Variants in DAPK2 observed in about 807,000 individuals in gnomAD.
The protein encoded by DAPK2 is death-associated protein kinase 2.
DAPK2 carries 35 observed loss-of-function variants against 44.1 expected under a neutral mutation model. The observed-to-expected ratio is 0.79, with a 90% CI of 0.61 to 1.05. DAPK2 has a LOEUF of 1.05. Among genes scored for constraint, DAPK2 ranks in the 50% least tolerant of loss-of-function variants. The probability of loss-of-function intolerance (pLI) is 0.00; values close to 1 mark genes in which losing one functional copy is unlikely to be tolerated. For synonymous variants in DAPK2, 174 were observed against 182.6 expected, an observed-to-expected ratio of 0.95 and a Z score of 0.38; for missense variants, 453 against 483.2, an observed-to-expected ratio of 0.94 and a Z score of 0.59.
intron 6 of DAPK2, 42 bp from the exon 8 acceptor site, chr15:63,926,135 A>G (rs1275960231): frequency 6.4e-7 from 1 of 1,566,696 alleles, no homozygotes; most frequent in Non-Finnish European, 8.7e-7. Flanking sequence ...AAGGGAAAGT[A>G]GGTGGAAATG....
chr15:63,914,694 C>CCATT (rs1281857085), intron 8 of DAPK2, among the ~76,000 whole-genome samples: 1 of 152,196 alleles, frequency 6.6e-6, no homozygotes, highest in Non-Finnish European at 1.5e-5. Context: ...TGCTTCCTGT[C>CCATT]CATTTGGCTC....
chr15:64,022,934 A>G (rs1465751677), intron 1 of DAPK2, among the ~76,000 whole-genome samples: 1 of 152,200 alleles, frequency 6.6e-6, no homozygotes, highest in Non-Finnish European at 1.5e-5. Flanking sequence ...AGATAGCATG[A>G]TGAGAAATGA....
intron 1 of DAPK2, among the ~76,000 whole-genome samples, chr15:64,017,633 G>A (rs1052876111): frequency 6.6e-6 from 1 of 152,198 alleles, no homozygotes; most frequent in African/African-American, 2.4e-5. Flanking sequence ...TGTGTCTCCA[G>A]GCCACTTAAC....
intron 1 of DAPK2, among the ~76,000 whole-genome samples, chr15:63,994,491 A>G (rs949613319): frequency 6.9e-6 from 1 of 145,428 alleles, no homozygotes; most frequent in Non-Finnish European, 1.5e-5. Flanking sequence ...GAAGCTAAAA[A>G]ATGTTCCTTA....
intron 8 of DAPK2, 40 bp downstream of exon 9, chr15:63,924,776 G>A: frequency 1.2e-6 from 2 of 1,612,538 alleles, no homozygotes; most frequent in Non-Finnish European, 8.5e-7. Context: ...CGACAGAGCA[G>A]GGACCCTTTG....
chr15:64,026,633 A>G (rs1236745713), intron 1 of DAPK2, among the ~76,000 whole-genome samples: 1 of 152,176 alleles, frequency 6.6e-6, no homozygotes, highest in Non-Finnish European at 1.5e-5. Flanking sequence ...AGCACTCCCC[A>G]TCCCAAGTAC....
chr15:64,019,184 G>A (rs1176384584), intron 1 of DAPK2, among the ~76,000 whole-genome samples: 3 of 152,196 alleles, frequency 2.0e-5, no homozygotes. Context: ...TTACCAGAGT[G>A]CCCTGTCTCA....
intron 4 of DAPK2, among the ~76,000 whole-genome samples, chr15:63,933,930 A>G (rs911037699): frequency 1.3e-5 from 2 of 152,096 alleles, no homozygotes; most frequent in Non-Finnish European, 2.9e-5. Flanking sequence ...ATAGATTGAG[A>G]AGCAGAACTC....
intron 3 of DAPK2, among the ~76,000 whole-genome samples, chr15:63,942,938 T>TG (rs931728548): frequency 1.3e-5 from 2 of 152,096 alleles, no homozygotes; most frequent in African/African-American, 2.4e-5. Flanking sequence ...CCCCAGAGGT[T>TG]GGGATAGAGC....
rs188799524 is a variant in DAPK2, at chr15:63,982,299, T to C, written c.314+1234A>G. ...TCCGCCTCCCGGGTTCAAGCAATTCTACTGCTTCAGCCTCCCGAGTAGCTG... is the reference window on the plus strand; with the variant it reads ...TCCGCCTCCCGGGTTCAAGCAATTCCACTGCTTCAGCCTCCCGAGTAGCTG... On this transcript the variant is annotated intron_variant, in intron 2 of 10. Coordinates refer to ENST00000261891, the Ensembl canonical transcript of DAPK2. 2.0e-5 allele frequency among the ~76,000 whole-genome samples: 3 copies of C among 150,608 alleles called. No individual in the cohort carries two copies. The East Asian group carries it at 6.0e-4, about 30-fold the overall frequency.
chr15:63,985,408 G>T (rs1171859461), intron 1 of DAPK2, among the ~76,000 whole-genome samples: 1 of 152,232 alleles, frequency 6.6e-6, no homozygotes, highest in Non-Finnish European at 1.5e-5. Flanking sequence ...CTCGAGGACA[G>T]CGGGTGCCTT....
chr15:63,994,327 GCAGGAAC>G lies in DAPK2; in HGVS notation c.93-10580_93-10574del, dbSNP rs1211991047. 5.9e-5 allele frequency among the ~76,000 whole-genome samples: 9 copies of G among 152,220 alleles called. No individual in the cohort carries two copies. In the East Asian group the frequency reaches 1.7e-3, roughly 29 times the overall value. On this transcript the variant is annotated intron_variant, in intron 1 of 10. Transcript: ENST00000261891. ...TCATCCTTGGCTGGCCCCCAGTGCA[GCAGGAAC>G]CCTTCATTGGCAGACTCACTTACAA...
At chr15:63,931,590 G>A (rs1231599586) in intron 4 of DAPK2, among the ~76,000 whole-genome samples, 1 of 152,116 alleles carries the variant, frequency 6.6e-6, no homozygotes, top group Non-Finnish European at 1.5e-5. Flanking sequence ...CATTCCTGGG[G>A]GTCCCTGAGA....
At chr15:64,007,734 G>C (rs2079273936) in intron 1 of DAPK2, among the ~76,000 whole-genome samples, 1 of 152,180 alleles carries the variant, frequency 6.6e-6, no homozygotes, top group Non-Finnish European at 1.5e-5. Flanking sequence ...TTTGCTGTGT[G>C]CCATTTAGCA....
Position 63,939,206 on chromosome 15 carries a change from GAA to G in DAPK2, c.583+24_583+25del. 1 of 1,611,512 alleles carries G rather than the reference GAA, an allele frequency of 6.2e-7. No homozygotes were observed. The highest frequency in any genetic ancestry group is 8.5e-7 in the Non-Finnish European group (1 of 1,178,554). On this transcript the variant is annotated intron_variant, in intron 4 of 10. Coordinates refer to ENST00000261891, the Ensembl canonical transcript of DAPK2. The surrounding 1 kb of genome is among the most constrained non-coding windows in gnomAD (Gnocchi z 4.3). ...TACCTTTGATGCCAGATTCTTAGCT[GAA>G]AGACAAACAGGCCTACAACTCACCA...
chr15:64,023,559 G>A (rs2079751535), intron 1 of DAPK2, among the ~76,000 whole-genome samples: 1 of 152,200 alleles, frequency 6.6e-6, no homozygotes. Context: ...TAACAGCTCT[G>A]AGAGCCTCTG....
chr15:63,983,603 G>C (rs565512081), exon 2 of DAPK2: 1 of 1,614,210 alleles, frequency 6.2e-7, no homozygotes, highest in Non-Finnish European at 8.5e-7. Context: ...TTGTGGTGCA[G>C]CACCTGCCGC....
chr15:64,036,340 T>TATAC (rs1555484603), intron 1 of DAPK2, among the ~76,000 whole-genome samples: 25 of 119,720 alleles, frequency 2.1e-4, no homozygotes, highest in African/African-American at 7.0e-4. Flanking sequence ...TATATATACA[T>TATAC]ATATATATAT....
chr15:63,920,196 C>A (rs1464404173), intron 8 of DAPK2: 1 of 152,206 alleles, frequency 6.6e-6, no homozygotes, highest in East Asian at 1.9e-4. Context: ...GGCCACCCAG[C>A]CTCAGACTGT....
Sources: gnomAD v4.1 joint callset for allele counts (sites outside exome capture counted in the v4.1 genomes callset) on GRCh38, gnomAD v4.1.1 for gene constraint, Gnocchi (gnomAD v3.1) non-coding constraint, MANE v1.5 for transcripts, NCBI Gene and HGNC (gene_info 2026-07-23, HGNC 2026-07-21) for gene names.